Variants in IRAG2 observed in about 807,000 individuals in gnomAD.
IRAG2 encodes lymphoid restricted membrane protein.
In IRAG2, 45 loss-of-function variants were observed where a neutral mutation model predicts 69.9. The ratio of observed to expected loss-of-function variants is 0.64; its 90% CI spans 0.51 to 0.83. The LOEUF is 0.83. IRAG2 is among the 40% of genes least tolerant of loss of function. The pLI, the probability that IRAG2 is intolerant of heterozygous loss-of-function variation, is 0.00. For missense variants in IRAG2, 520 were observed against 587.0 expected (o/e 0.89, Z 1.18); for synonymous variants, 193 against 202.4 (o/e 0.95, Z 0.40).
upstream of IRAG2, among the ~76,000 whole-genome samples, chr12:25,051,688 C>T (rs1197995992): frequency 4.6e-5 from 7 of 152,212 alleles, no homozygotes; most frequent in Admixed American, 4.6e-4. Flanking sequence ...GAAATATCAA[C>T]CGCCAGCTTT....
At chr12:25,055,628 C>T (rs1275335507) in intron 1 of IRAG2, among the ~76,000 whole-genome samples, 1 of 152,098 alleles carries the variant, frequency 6.6e-6, no homozygotes, top group Non-Finnish European at 1.5e-5. Context: ...ATGACAGGCC[C>T]CAGTGTGTGA....
intron 10 of IRAG2, chr12:25,030,346 T>C: frequency 8.1e-7 from 1 of 1,230,272 alleles, no homozygotes. Context: ...TTGGTATTGT[T>C]CCTTACCACA....
intron 6 of IRAG2, among the ~76,000 whole-genome samples, chr12:25,075,474 T>C (rs971224938): frequency 1.3e-5 from 2 of 152,172 alleles, no homozygotes; most frequent in Non-Finnish European, 2.9e-5. Context: ...TTATTGTTCA[T>C]GTTGTTCAAT....
chr12:25,058,601 C>G (rs1476363882), intron 1 of IRAG2, among the ~76,000 whole-genome samples: 1 of 152,186 alleles, frequency 6.6e-6, no homozygotes, highest in African/African-American at 2.4e-5. Context: ...TAAATGTCAT[C>G]CATCATTGAT....
At chr12:25,086,303 C>G (rs1947605000) in intron 10 of IRAG2, among the ~76,000 whole-genome samples, 1 of 152,096 alleles carries the variant, frequency 6.6e-6, no homozygotes, top group African/African-American at 2.4e-5. Flanking sequence ...GGTAGATACC[C>G]AGGCTTATGG....
chr12:25,105,308 CCTCGTGAT>C (rs1420141943), intron 20 of IRAG2, among the ~76,000 whole-genome samples: 1 of 152,010 alleles, frequency 6.6e-6, no homozygotes, highest in African/African-American at 2.4e-5. Flanking sequence ...GATCTCCTGA[CCTCGTGAT>C]CCGCCCGCCT....
At chr12:25,083,880 C>T (rs1309881904) in intron 10 of IRAG2, among the ~76,000 whole-genome samples, 5 of 152,172 alleles carry the variant, frequency 3.3e-5, no homozygotes, top group African/African-American at 1.2e-4. Context: ...ACGATATGTT[C>T]TAATCAGGTG....
At chr12:25,024,067 G>A in intron 8 of IRAG2, 1 of 403,384 alleles carries the variant, frequency 2.5e-6, no homozygotes, top group Non-Finnish European at 4.3e-6. Flanking sequence ...CAAGTGAGGA[G>A]GAATGGATGG....
intron 9 of IRAG2, among the ~76,000 whole-genome samples, chr12:25,081,944 G>C (rs1407711887): frequency 6.6e-6 from 1 of 152,100 alleles, no homozygotes; most frequent in South Asian, 2.1e-4. Flanking sequence ...GCCCAGGCTG[G>C]AGTGCAGTGT....
intron 14 of IRAG2, among the ~76,000 whole-genome samples, chr12:25,094,567 A>G (rs1352587238): frequency 6.6e-6 from 1 of 152,078 alleles, no homozygotes; most frequent in East Asian, 1.9e-4. Context: ...TAGATTCCAT[A>G]TGAATTTTGG....
intron 6 of IRAG2, chr12:25,075,867 A>G (rs1946660582): frequency 6.6e-6 from 1 of 152,074 alleles, no homozygotes; most frequent in South Asian, 2.1e-4. Context: ...TTTAAATTAT[A>G]TCTAGTAGAT....
At chr12:25,015,155 G>GTTT (rs11352951) in intron 3 of IRAG2, 325 of 896,338 alleles carry the variant, frequency 3.6e-4, no homozygotes, top group African/African-American at 1.1e-3. Context: ...CACTGGTTTT[G>GTTT]TTTTTTTTTT....
chr12:25,047,201 A>G (rs540515893), intron 16 of IRAG2, among the ~76,000 whole-genome samples: 1 of 152,250 alleles, frequency 6.6e-6, no homozygotes, highest in African/African-American at 2.4e-5. Flanking sequence ...TAAATTTAAG[A>G]CCTAAAACTG....
upstream of IRAG2, chr12:25,004,204 C>A: frequency 1.7e-6 from 1 of 572,026 alleles, no homozygotes; most frequent in Non-Finnish European, 2.6e-6. Flanking sequence ...AGCATCTTGT[C>A]ATGATCCCGC....
exon 7 of IRAG2, chr12:25,020,836 G>A: frequency 8.1e-7 from 1 of 1,232,084 alleles, no homozygotes; most frequent in Non-Finnish European, 1.0e-6. Flanking sequence ...AGAAGAACTG[G>A]AGGAACTGAA....
rs145074462 is a variant in IRAG2 at position 25,036,359 on chromosome 12, A to G, written c.1879-226A>G. 2.6e-3 allele frequency among the ~76,000 whole-genome samples: 399 copies of G among 152,282 alleles called. 8 individuals are homozygous for G. The highest frequency in any genetic ancestry group is 0.02 in the Admixed American group (304 of 15,286). On this transcript the variant is annotated intron_variant, in intron 14 of 38. Transcript: ENST00000636465. Reference sequence around the variant, plus strand: ...AAAAAGATGGGGTTTGTTCTGGAAAATGATTCTCTCTGTATATATTCAACA... The same window carrying G: ...AAAAAGATGGGGTTTGTTCTGGAAAGTGATTCTCTCTGTATATATTCAACA...
Position 25,108,086 on chromosome 12 carries a change from C to A in IRAG2, c.*26C>A. On this transcript the variant is annotated 3_prime_UTR_variant, in exon 22 of 22. Transcript: ENST00000556887. ...CAGCAGGACATCCTAATATATGGAT[C>A]TTGATTTTTAAGTTTCAGTATCTGA... 6.2e-7 allele frequency: 1 copy of A among 1,601,042 alleles called. No individual in the cohort carries two copies. The highest frequency in any genetic ancestry group is 2.2e-5 in the East Asian group (1 of 44,620).
intron 16 of IRAG2, among the ~76,000 whole-genome samples, chr12:25,043,342 G>A (rs1234725103): frequency 6.6e-6 from 1 of 152,164 alleles, no homozygotes; most frequent in African/African-American, 2.4e-5. Context: ...GCTTTCCTGG[G>A]GGCTGCCTAA....
intron 2 of IRAG2, among the ~76,000 whole-genome samples, chr12:25,005,899 T>C (rs1202477147): frequency 6.6e-6 from 1 of 152,110 alleles, no homozygotes; most frequent in Non-Finnish European, 1.5e-5. Context: ...CGGGACCTAA[T>C]TAACCTCTGC....
Sources: allele counts gnomAD v4.1 joint callset (sites outside exome capture counted in the v4.1 genomes callset), GRCh38; gene constraint gnomAD v4.1.1; transcripts MANE v1.5; gene names NCBI Gene and HGNC (gene_info 2026-07-23, HGNC 2026-07-21).